KCTD17: variants seen among roughly 807,000 people sequenced by gnomAD.
KCTD17 encodes the protein potassium channel tetramerization domain containing 17.
In KCTD17, 20 loss-of-function variants were observed where a neutral mutation model predicts 41.5. The ratio of observed to expected loss-of-function variants is 0.48; its 90% CI spans 0.34 to 0.70. The LOEUF (loss-of-function observed/expected upper bound fraction) is 0.70. Among genes scored for constraint, KCTD17 ranks in the 30% least tolerant of loss-of-function variants. The pLI is 0.01. For synonymous variants in KCTD17, 156 were observed against 173.8 expected (o/e 0.90, Z 0.80); for missense variants, 317 against 427.2 (o/e 0.74, Z 2.27).
At chr22:37,056,459 A>G (rs1465972996) in intron 3 of KCTD17, 48 bp downstream of exon 3, 8 of 1,491,998 alleles carry the variant, frequency 5.4e-6, no homozygotes, top group Non-Finnish European at 7.5e-6. Context: ...GCCAGTGGGG[A>G]GAGAGAGGCT....
At position 37,053,952 on chromosome 22, in the gene KCTD17, A is replaced by G. The variant is rs1924797350; in HGVS notation, c.298+744A>G. ...GCTCTGGGTCAGCTGATCCAGCCAG[A>G]CCAGCTTGAATATGTCACTTCTCCT... is the stretch of plus-strand genomic sequence containing the variant. On this transcript the variant is annotated intron_variant, in intron 2 of 8. Transcript: ENST00000403888. The surrounding 1 kb of genome is among the most constrained non-coding windows in gnomAD (Gnocchi z 4.1). 6.6e-6 allele frequency among the ~76,000 whole-genome samples: 1 copy of G among 152,176 alleles called. No individual in the cohort carries two copies. The highest frequency in any genetic ancestry group is 1.5e-5 in the Non-Finnish European group (1 of 68,024).
chr22:37,053,011 C>G lies in KCTD17; in HGVS notation c.190-89C>G. ...TGCTCCATCCAGGGAAGAGCTCTCC[C>G]TCCACTCTCCTTCCCTCCCTGTGCG... On this transcript the variant is annotated intron_variant, in intron 1 of 8. Transcript: ENST00000403888. The surrounding 1 kb of genome is among the most constrained non-coding windows in gnomAD (Gnocchi z 4.1). 9.4e-7 allele frequency: 1 copy of G among 1,063,006 alleles called. No individual in the cohort carries two copies. Among genetic ancestry groups the G allele is most frequent in the South Asian group, 1.4e-5 (1 of 71,848 alleles). 65.8% of individuals were successfully genotyped at this position (1,063,006 alleles called of 1,614,324 possible).
At chr22:37,052,051 G>A (rs932685687) in intron 1 of KCTD17, 102 bp downstream of exon 1, 1 of 1,267,322 alleles carries the variant, frequency 7.9e-7, no homozygotes, top group Middle Eastern at 3.0e-4. Context: ...GACCCGGCCG[G>A]GTTCATTTCC....
rs114214363 is a variant in KCTD17, at chr22:37,056,244, C to T, written c.299-76C>T. 3,367 of 1,306,270 alleles carry T rather than the reference C, an allele frequency of 2.6e-3. 35 individuals carry two copies. In the African/African-American group the frequency reaches 0.033, roughly 13 times the overall value. 80.9% of individuals were successfully genotyped at this position (1,306,270 alleles called of 1,614,324 possible). ...GGTGATCAGAGCGAGAGGTGGGTTTCGGGGTGGAGGGAACAAGAGGAGAAT... is the reference window on the plus strand; with the variant it reads ...GGTGATCAGAGCGAGAGGTGGGTTTTGGGGTGGAGGGAACAAGAGGAGAAT... On this transcript the variant is annotated intron_variant, in intron 2 of 8. Transcript: ENST00000403888.
At position 37,053,285 on chromosome 22, in the gene KCTD17, A is replaced by G; in HGVS notation, c.298+77A>G. 3.6e-6 allele frequency: 4 copies of G among 1,118,904 alleles called. No individual in the cohort carries two copies. The South Asian group carries it at 5.3e-5, about 15-fold the overall frequency. The allele number at this position is 1,118,904 out of a possible 1,614,324, so 69.3% of individuals were successfully genotyped here. On this transcript the variant is annotated intron_variant, in intron 2 of 8. Transcript: ENST00000403888. The surrounding 1 kb of genome is among the most constrained non-coding windows in gnomAD (Gnocchi z 4.1). The stretch of plus-strand genomic sequence containing the variant: ...TCTGTGGAGGCCCCAAGCCATTTGG[A>G]CAACCAGGACGGCCATCTGCCTGCT...
chr22:37,055,907 G>GA (rs1198882705), intron 2 of KCTD17, among the ~76,000 whole-genome samples: 1 of 152,170 alleles, frequency 6.6e-6, no homozygotes, highest in Non-Finnish European at 1.5e-5. Context: ...CTAGTTCTGA[G>GA]AATTCAAAAA....
rs1158242201 is a variant in KCTD17, at chr22:37,051,777, G to A, written c.17G>A (p.Gly6Glu). ...CGGCCGGCGATGAGGATGGAGGCCG[G>A]GGAGGCAGCGCCGCCGGCGGGGGCG... MRMEA[G>E]EAAPPAGAGG... is the part of the protein sequence containing the mutation. The change falls in exon 1 of 9, where the codon GGG (glycine) becomes GAG (glutamate). Residue 6 changes from glycine to glutamate, a missense_variant. Physicochemically the swap from Gly to Glu is moderately conservative, Grantham distance 98. Coordinates refer to ENST00000403888, the MANE Select transcript of KCTD17 (RefSeq NM_001282684.2). 9 of 1,247,472 alleles carry A rather than the reference G, an allele frequency of 7.2e-6. No individual in the cohort carries two copies. Among genetic ancestry groups the A allele is most frequent in the East Asian group, 3.2e-5 (1 of 30,966 alleles). The allele number at this position is 1,247,472 out of a possible 1,614,324, so 77.3% of individuals were successfully genotyped here.
chr22:37,057,258 CT>C (rs1395322140), intron 3 of KCTD17, 139 bp from the exon 4 acceptor site: 3 of 723,760 alleles, frequency 4.1e-6, no homozygotes, highest in Non-Finnish European at 7.5e-6. Context: ...GCATGGCTGC[CT>C]CCCCCCAACC....
Position 37,061,378 on chromosome 22 carries a change from C to T in KCTD17, c.785-161C>T, listed in dbSNP as rs1292544376. 1.2e-5 allele frequency: 18 copies of T among 1,473,442 alleles called. No homozygotes were observed. The highest frequency in any genetic ancestry group is 1.5e-5 in the Non-Finnish European group (17 of 1,113,808). The allele number at this position is 1,473,442 out of a possible 1,614,324, so 91.3% of individuals were successfully genotyped here. On this transcript the variant is annotated intron_variant, in intron 7 of 8. Transcript: ENST00000403888. The surrounding 1 kb of genome is among the most constrained non-coding windows in gnomAD (Gnocchi z 6.6). ...CGTCCTGCCTGCCGCCTCCTGCGCC[C>T]CTTCTGGTACCTCCTGCCTCCCAGC...
intron 1 of KCTD17, chr22:37,052,770 A>G (rs1358394731): frequency 2.3e-6 from 1 of 429,834 alleles, no homozygotes; most frequent in African/African-American, 2.0e-5. Flanking sequence ...TTCAGGGGAC[A>G]GCCTCTCAGA....
rs547178191 is a variant in KCTD17 at position 37,053,573 on chromosome 22, T to C, written c.298+365T>C. Among the ~76,000 whole-genome samples, 15 of 152,302 alleles carry C rather than the reference T, an allele frequency of 9.8e-5. No homozygotes were observed. Among genetic ancestry groups the C allele is most frequent in the African/African-American group, 3.6e-4 (15 of 41,552 alleles). On this transcript the variant is annotated intron_variant, in intron 2 of 8. Transcript: ENST00000403888. This position sits in a 1 kb window ranked among gnomAD's most constrained non-coding sequence, Gnocchi z 4.1. ...GGAGGCTGGGGTGACAGGAATGCAG[T>C]GTTGACAGGCATGGGGAGAGCTCTG...
At chr22:37,052,040 G>T in intron 1 of KCTD17, 91 bp downstream of exon 1, 8 of 1,274,688 alleles carry the variant, frequency 6.3e-6, no homozygotes, top group Non-Finnish European at 7.9e-6. Flanking sequence ...GCCAGGCTGG[G>T]GACCCGGCCG....
intron 2 of KCTD17, among the ~76,000 whole-genome samples, chr22:37,054,814 G>T (rs1173647306): frequency 6.6e-6 from 1 of 152,166 alleles, no homozygotes; most frequent in Non-Finnish European, 1.5e-5. Context: ...TCAGGCAGCT[G>T]CACTCCCTGA....
rs952043198 is a variant in KCTD17, at chr22:37,053,011, C to T, written c.190-89C>T. 7.5e-6 allele frequency: 8 copies of T among 1,063,006 alleles called. No homozygotes were observed. The highest frequency in any genetic ancestry group is 8.4e-6 in the Non-Finnish European group (6 of 713,032). 65.8% of individuals were successfully genotyped at this position (1,063,006 alleles called of 1,614,324 possible). A position where few individuals can be genotyped will look rare whatever the true frequency, so the allele number is the denominator to read the frequency against. On this transcript the variant is annotated intron_variant, in intron 1 of 8. Coordinates refer to ENST00000403888, the MANE Select transcript of KCTD17 (RefSeq NM_001282684.2). The surrounding 1 kb of genome is among the most constrained non-coding windows in gnomAD (Gnocchi z 4.1). ...TGCTCCATCCAGGGAAGAGCTCTCC[C>T]TCCACTCTCCTTCCCTCCCTGTGCG... is the stretch of plus-strand genomic sequence containing the variant.
At chr22:37,057,283 C>T in intron 3 of KCTD17, 115 bp from the exon 4 acceptor site, 3 of 808,198 alleles carry the variant, frequency 3.7e-6, no homozygotes, top group Non-Finnish European at 6.4e-6. Context: ...TCTTCTTTCT[C>T]TCCCTCTCTT....
chr22:37,059,199 C>T (rs1402869611), intron 4 of KCTD17, 114 bp from the exon 5 acceptor site: 11 of 1,465,406 alleles, frequency 7.5e-6, no homozygotes, highest in African/African-American at 2.8e-5. Context: ...CCCGACAAGC[C>T]GCAAGATTAG....
rs762198990 is a variant in KCTD17 at position 37,057,442 on chromosome 22, G to A, written c.435G>A (p.Glu145=). The change falls in exon 4 of 9, where the codon GAG becomes GAA. Residue 145 remains glutamate, a synonymous_variant. Coordinates refer to ENST00000403888, the MANE Select transcript of KCTD17 (RefSeq NM_001282684.2). ...ACCGCGTGCTGCAGTGCCAGGAGGA[G>A]GAGCTCACGCAAATGGTCTCCACCA... The part of the protein sequence containing the change: ...HVYRVLQCQE[E]ELTQMVSTMS... The A allele has an allele frequency of 6.2e-7, 1 of 1,613,542 alleles. No homozygotes were observed. The highest frequency in any genetic ancestry group is 1.1e-5 in the South Asian group (1 of 91,074).
Position 37,062,705 on chromosome 22 carries a change from C to A in KCTD17, c.*111C>A. 3 of 1,526,968 alleles carry A rather than the reference C, an allele frequency of 2.0e-6. No individual in the cohort carries two copies. The highest frequency in any genetic ancestry group is 2.6e-6 in the Non-Finnish European group (3 of 1,135,738). The allele number at this position is 1,526,968 out of a possible 1,614,324, so 94.6% of individuals were successfully genotyped here. The stretch of plus-strand genomic sequence containing the variant: ...TGGGGCTGTGACTTACTCCTGCCTC[C>A]AGGGGCGGGGCGGGGCCCCCCTGGG... On this transcript the variant is annotated 3_prime_UTR_variant, in exon 9 of 9. Coordinates refer to ENST00000403888, the MANE Select transcript of KCTD17 (RefSeq NM_001282684.2).
At position 37,062,780 on chromosome 22, in the gene KCTD17, G is replaced by C; in HGVS notation, c.*186G>C. The C allele has an allele frequency of 7.7e-7, 1 of 1,305,360 alleles. No individual in the cohort carries two copies. Among genetic ancestry groups the C allele is most frequent in the South Asian group, 1.6e-5 (1 of 63,916 alleles). 80.9% of individuals were successfully genotyped at this position (1,305,360 alleles called of 1,614,324 possible). On this transcript the variant is annotated 3_prime_UTR_variant, in exon 9 of 9. Transcript: ENST00000403888. ...CCAGGACCTCTGGGCAGAGTGGACT[G>C]CTCATGGCAGATGTGTGGCAATGTC...
Sources: gnomAD v4.1 joint callset for allele counts (sites outside exome capture counted in the v4.1 genomes callset) on GRCh38, gnomAD v4.1.1 for gene constraint, Gnocchi (gnomAD v3.1) non-coding constraint, MANE v1.5 for transcripts, NCBI Gene and HGNC (gene_info 2026-07-23, HGNC 2026-07-21) for gene names.